The following FBXO46 variants were observed in gnomAD, a reference collection of about 807,000 sequenced individuals.
The protein encoded by FBXO46 is F-box protein 46.
A neutral mutation model predicts 30.7 loss-of-function variants in FBXO46; 13 were observed. The observed-to-expected ratio is 0.42, with a 90% confidence interval of 0.28 to 0.67. FBXO46 has a LOEUF of 0.67. FBXO46 is among the 30% of genes least tolerant of loss of function. The probability of loss-of-function intolerance (pLI) is 0.21; values close to 1 mark genes in which losing one functional copy is unlikely to be tolerated. For synonymous variants in FBXO46, 467 were observed against 385.8 expected (o/e 1.21, Z -2.47); for missense variants, 754 against 871.5 (o/e 0.87, Z 1.70).
At chr19:45,716,978 TCCCCAAATTCTATGCCCAACAAACA>T (rs1568547054) in intron 1 of FBXO46, 1 of 151,918 alleles carries the variant, frequency 6.6e-6, no homozygotes, top group South Asian at 2.1e-4. Context: ...CTCCGGGAGC[TCCCCAAATTCTATGCCCAACAAACA>T]CTCCAAAACA....
chr19:45,712,146 C>T lies in FBXO46; in HGVS notation c.1350G>A (p.Arg450=). ...TADTSLCRLY[R]HVSHDFLEIR... ...TCTCTAGGAAGTCGTGCGACACGTGCCGGTACAAGCGGCACAGGGAGGTGT... is the reference window on the plus strand; with the variant it reads ...TCTCTAGGAAGTCGTGCGACACGTGTCGGTACAAGCGGCACAGGGAGGTGT... The change falls in exon 2 of 2, where the codon CGG becomes CGA. Residue 450 remains arginine (R), a synonymous_variant. Coordinates refer to ENST00000317683, the MANE Select transcript of FBXO46 (RefSeq NM_001080469.2). This position sits in a 1 kb window ranked among gnomAD's most constrained non-coding sequence, Gnocchi z 8.8. 1.3e-6 allele frequency: 2 copies of T among 1,593,854 alleles called. No homozygotes were observed. The highest frequency in any genetic ancestry group is 2.3e-5 in the East Asian group (1 of 43,848).
Position 45,711,631 on chromosome 19 carries a change from G to C in FBXO46, c.*53C>G, listed in dbSNP as rs558715487. 4,117 of 1,387,740 alleles carry C rather than the reference G, an allele frequency of 3.0e-3. 11 individuals carry two copies. The highest frequency in any genetic ancestry group is 3.9e-3 in the South Asian group (316 of 80,742). 86.0% of individuals were successfully genotyped at this position (1,387,740 alleles called of 1,614,324 possible). A position where few individuals can be genotyped will look rare whatever the true frequency, so the allele number is the denominator to read the frequency against. ...GCCCAGTCCGGACCCTCGGCTCCCG[G>C]GGGGAGAGGGGAGGGGTGGGCGTGG... On this transcript the variant is annotated 3_prime_UTR_variant, in exon 2 of 2. Transcript: ENST00000317683.
At chr19:45,731,931 C>T (rs568381563), upstream of FBXO46, among the ~76,000 whole-genome samples, 1 of 151,890 alleles carries the variant, frequency 6.6e-6, no homozygotes, top group South Asian at 2.1e-4. Context: ...TCCTGGCTAA[C>T]ACACTGAAAC....
Position 45,712,785 on chromosome 19 carries a change from C to T in FBXO46, c.711G>A (p.Gln237=), listed in dbSNP as rs1968013178. ...VAEAVAHFEA[Q]RDSPPTKGLR... ...GGCCCTTGGTGGGAGGGCTGTCCCT[C>T]TGCGCTTCAAAGTGGGCCACGGCCT... Residue 237 remains glutamine, a synonymous_variant, in exon 2 of 2, where the codon CAG becomes CAA. Transcript: ENST00000317683. The surrounding 1 kb of genome is among the most constrained non-coding windows in gnomAD (Gnocchi z 8.8). 1.2e-6 allele frequency: 2 copies of T among 1,611,682 alleles called. No homozygotes were observed. Among genetic ancestry groups the T allele is most frequent in the Non-Finnish European group, 1.7e-6 (2 of 1,178,844 alleles).
chr19:45,711,861 G>A lies in FBXO46; in HGVS notation c.1635C>T (p.Cys545=), dbSNP rs759229744. The change falls in exon 2 of 2, where the codon TGC becomes TGT. Residue 545 remains cysteine (C), a synonymous_variant. Coordinates refer to ENST00000317683, the MANE Select transcript of FBXO46 (RefSeq NM_001080469.2). ...KRYEKGDVSL[C]RWHPKPYHHD... is the part of the protein sequence containing the mutation. The stretch of plus-strand genomic sequence containing the variant: ...GGTGGTAGGGCTTGGGGTGCCAGCG[G>A]CAGAGCGACACGTCGCCCTTCTCGT... The A allele has an allele frequency of 1.2e-6, 2 of 1,613,684 alleles. No homozygotes were observed.
intron 1 of FBXO46, among the ~76,000 whole-genome samples, chr19:45,720,351 C>T (rs940342232): frequency 1.3e-5 from 2 of 152,082 alleles, no homozygotes; most frequent in East Asian, 1.9e-4. Flanking sequence ...AGACTGGTCT[C>T]GAACTCCTGA....
chr19:45,724,355 G>A (rs1452304169), intron 1 of FBXO46, among the ~76,000 whole-genome samples: 1 of 152,208 alleles, frequency 6.6e-6, no homozygotes, highest in Non-Finnish European at 1.5e-5. Flanking sequence ...GGCATAAGGG[G>A]CTGAAAATGA....
At chr19:45,727,403 C>CA (rs1968254103) in intron 1 of FBXO46, among the ~76,000 whole-genome samples, 1 of 151,912 alleles carries the variant, frequency 6.6e-6, no homozygotes, top group Non-Finnish European at 1.5e-5. Flanking sequence ...ACTAAAAATA[C>CA]AAAAATTAGC....
chr19:45,721,123 GCAGA>G (rs1340247625), intron 1 of FBXO46, among the ~76,000 whole-genome samples: 1 of 152,124 alleles, frequency 6.6e-6, no homozygotes, highest in Non-Finnish European at 1.5e-5. Flanking sequence ...GGAAGCCGAG[GCAGA>G]CAGATCGCTT....
Sources: gnomAD v4.1 joint callset for allele counts (sites outside exome capture counted in the v4.1 genomes callset) on GRCh38, gnomAD v4.1.1 for gene constraint, Gnocchi (gnomAD v3.1) non-coding constraint, MANE v1.5 for transcripts, NCBI Gene and HGNC (gene_info 2026-07-23, HGNC 2026-07-21) for gene names.